Variants in MICU1 observed in about 807,000 individuals in gnomAD.
The protein encoded by MICU1 is calcium uptake protein 1, mitochondrial.
In MICU1, 45 loss-of-function variants were observed where a neutral mutation model predicts 56.8. The ratio of observed to expected loss-of-function variants is 0.79; its 90% confidence interval spans 0.62 to 1.02. The LOEUF (loss-of-function observed/expected upper bound fraction) is 1.02. Ranked by LOEUF, MICU1 falls within the 50% of genes least tolerant of loss-of-function variation. The pLI, the probability that MICU1 is intolerant of heterozygous loss-of-function variation, is 0.00. For missense variants in MICU1, 504 were observed against 587.1 expected, an observed-to-expected ratio of 0.86 and a Z score of 1.46; for synonymous variants, 186 against 195.1, an observed-to-expected ratio of 0.95 and a Z score of 0.39.
At chr10:72,458,465 C>T (rs117720615) in intron 8 of MICU1, among the ~76,000 whole-genome samples, 3 of 152,044 alleles carry the variant, frequency 2.0e-5, no homozygotes, top group East Asian at 1.9e-4. Flanking sequence ...ATATATATAC[C>T]GCATTTATTT....
chr10:72,552,019 TA>T (rs1452106938), intron 3 of MICU1, among the ~76,000 whole-genome samples: 5 of 152,224 alleles, frequency 3.3e-5, no homozygotes, highest in African/African-American at 1.2e-4. Context: ...AAACAGACTT[TA>T]GATTTCATAG....
Position 72,622,634 on chromosome 10 carries a change from A to G in MICU1, c.-2+3376T>C, listed in dbSNP as rs558121150. On this transcript the variant is annotated intron_variant, in intron 1 of 11. Coordinates refer to ENST00000361114, the MANE Select transcript of MICU1 (RefSeq NM_001195518.2). Reference sequence around the variant, plus strand: ...ATCTTTCCCAGGGAATCTGACTCCAAAGCCTTACTTTTCCACACTGAATCC... The same window carrying G: ...ATCTTTCCCAGGGAATCTGACTCCAGAGCCTTACTTTTCCACACTGAATCC... 1.6e-4 allele frequency among the ~76,000 whole-genome samples: 25 copies of G among 152,336 alleles called. No individual in the cohort carries two copies. The South Asian group carries it at 5.0e-3, about 30-fold the overall frequency.
chr10:72,581,364 T>C (rs1758593523), intron 1 of MICU1, among the ~76,000 whole-genome samples: 2 of 152,222 alleles, frequency 1.3e-5, no homozygotes, highest in Admixed American at 1.3e-4. Flanking sequence ...GCACAATGGC[T>C]CACACCTGTA....
chr10:72,611,311 AAAAG>A (rs1295021027), intron 1 of MICU1, among the ~76,000 whole-genome samples: 7 of 145,250 alleles, frequency 4.8e-5, no homozygotes, highest in Non-Finnish European at 1.1e-4. Flanking sequence ...TAAAAAAAAA[AAAAG>A]AAAGAAAGAA....
At position 72,367,936 on chromosome 10, in the gene MICU1, T is replaced by C. The variant is rs1185913671; in HGVS notation, c.*259A>G. 9.7e-6 allele frequency: 4 copies of C among 410,852 alleles called. No individual in the cohort carries two copies. The highest frequency in any genetic ancestry group is 3.6e-5 in the East Asian group (1 of 27,544). The allele number at this position is 410,852 out of a possible 1,614,324, so 25.5% of individuals were successfully genotyped here. ...CAGGATGCTTGAATGGGTGGTGCTGTTGAGGCTGACAAATGTCTGAGCTTT... is the reference window on the plus strand; with the variant it reads ...CAGGATGCTTGAATGGGTGGTGCTGCTGAGGCTGACAAATGTCTGAGCTTT... On this transcript the variant is annotated 3_prime_UTR_variant, in exon 12 of 12. Coordinates refer to ENST00000361114, the MANE Select transcript of MICU1 (RefSeq NM_001195518.2).
At chr10:72,585,766 A>C (rs894551682) in intron 1 of MICU1, among the ~76,000 whole-genome samples, 18 of 152,252 alleles carry the variant, frequency 1.2e-4, no homozygotes, top group African/African-American at 4.3e-4. Flanking sequence ...GTAATCCCTC[A>C]GTATCTGCAA....
intron 8 of MICU1, among the ~76,000 whole-genome samples, chr10:72,464,759 T>C (rs1413322655): frequency 6.6e-6 from 1 of 152,172 alleles, no homozygotes; most frequent in African/African-American, 2.4e-5. Flanking sequence ...AGAGAACCTA[T>C]AAGCCAGAAA....
intron 4 of MICU1, among the ~76,000 whole-genome samples, chr10:72,535,006 T>TTTATTTTATTTTATTTTA (rs879632875): frequency 2.6e-3 from 226 of 87,104 alleles, no homozygotes; most frequent in African/African-American, 8.6e-3. Flanking sequence ...TCCCTCTATT[T>TTTATTTTATTTTATTTTA]TTTATTTTAT....
At chr10:72,605,942 T>G (rs1306206040) in intron 1 of MICU1, among the ~76,000 whole-genome samples, 2 of 147,800 alleles carry the variant, frequency 1.4e-5, no homozygotes, top group Non-Finnish European at 3.0e-5. Flanking sequence ...ACCAGCCTGG[T>G]CAACATGGTG....
intron 8 of MICU1, among the ~76,000 whole-genome samples, chr10:72,450,865 C>T (rs1865275098): frequency 6.7e-6 from 1 of 150,346 alleles, no homozygotes; most frequent in African/African-American, 2.5e-5. Flanking sequence ...GCTGGGATTA[C>T]AGCTGTGCAC....
intron 4 of MICU1, among the ~76,000 whole-genome samples, chr10:72,546,221 C>T (rs559982254): frequency 5.9e-5 from 9 of 152,270 alleles, no homozygotes; most frequent in Admixed American, 2.0e-4. Flanking sequence ...ACTAAAGTTT[C>T]GGTCAATCTC....
chr10:72,398,588 C>T (rs545552174), intron 10 of MICU1, among the ~76,000 whole-genome samples: 2 of 151,950 alleles, frequency 1.3e-5, no homozygotes, highest in Non-Finnish European at 2.9e-5. Context: ...CAAATAGACA[C>T]AGTAAGAAAT....
intron 9 of MICU1, among the ~76,000 whole-genome samples, chr10:72,418,796 A>C (rs780973809): frequency 6.6e-6 from 1 of 152,212 alleles, no homozygotes; most frequent in African/African-American, 2.4e-5. Context: ...TTTTATAGGA[A>C]ATGGTCCTAG....
intron 8 of MICU1, among the ~76,000 whole-genome samples, chr10:72,442,179 C>T (rs960615605): frequency 5.3e-5 from 8 of 151,936 alleles, no homozygotes; most frequent in Non-Finnish European, 7.4e-5. Context: ...TTTTTTGAGA[C>T]GGAGTCTCAC....
intron 1 of MICU1, among the ~76,000 whole-genome samples, chr10:72,597,553 G>A (rs927853024): frequency 2.6e-5 from 4 of 152,110 alleles, no homozygotes; most frequent in African/African-American, 9.7e-5. Flanking sequence ...AATACATAAT[G>A]AGATATCTTA....
At chr10:72,378,114 G>A (rs564603832) in intron 10 of MICU1, among the ~76,000 whole-genome samples, 2 of 152,220 alleles carry the variant, frequency 1.3e-5, no homozygotes, top group East Asian at 3.9e-4. Flanking sequence ...TTAGCTGGGC[G>A]TGGTGGTGCG....
intron 1 of MICU1, among the ~76,000 whole-genome samples, chr10:72,609,139 C>A (rs1841769658): frequency 6.6e-6 from 1 of 152,098 alleles, no homozygotes; most frequent in African/African-American, 2.4e-5. Context: ...CCATATGATT[C>A]CACTTATATG....
chr10:72,588,322 T>C (rs1841123094), intron 1 of MICU1, among the ~76,000 whole-genome samples: 1 of 112,062 alleles, frequency 8.9e-6, no homozygotes, highest in Non-Finnish European at 2.6e-5. Flanking sequence ...TTACCCAGTC[T>C]GAGGTTTTTT....
intron 10 of MICU1, among the ~76,000 whole-genome samples, chr10:72,404,816 C>T (rs561434686): frequency 6.6e-6 from 1 of 152,328 alleles, no homozygotes; most frequent in East Asian, 1.9e-4. Flanking sequence ...CTGATGAATT[C>T]TATCAAATAC....
Sources: gnomAD v4.1 joint callset for allele counts (sites outside exome capture counted in the v4.1 genomes callset) on GRCh38, gnomAD v4.1.1 for gene constraint, MANE v1.5 for transcripts, NCBI Gene and HGNC (gene_info 2026-07-23, HGNC 2026-07-21) for gene names.